The following S100Z variants were observed in gnomAD, a reference collection of about 807,000 sequenced individuals.
S100Z encodes S100 calcium binding protein Z, also known as protein S100-Z.
Under a neutral mutation model 8.5 loss-of-function variants are expected in S100Z, and 11 were observed. The observed-to-expected ratio is 1.30, with a 90% confidence interval of 0.82 to 2.15. The LOEUF (loss-of-function observed/expected upper bound fraction) is 2.15. S100Z is among the 30% of genes most tolerant of loss of function. The pLI, the probability that S100Z is intolerant of heterozygous loss-of-function variation, is 0.00. For missense variants in S100Z, 126 were observed against 117.9 expected, an observed-to-expected ratio of 1.07 and a Z score of -0.32; for synonymous variants, 34 against 43.8, an observed-to-expected ratio of 0.78 and a Z score of 0.89.
intron 2 of S100Z, among the ~76,000 whole-genome samples, chr5:76,873,854 C>G (rs1432650090): frequency 6.6e-6 from 1 of 152,200 alleles, no homozygotes; most frequent in African/African-American, 2.4e-5. Context: ...TTTACATGGA[C>G]TCTTTCTTTA....
the S100Z span, among the ~76,000 whole-genome samples, chr5:76,940,270 G>A: frequency 3.9e-5 from 6 of 152,148 alleles, no homozygotes; most frequent in South Asian, 6.2e-4. Context: ...GACGTGATCA[G>A]CAGATGTAAA....
intron 4 of S100Z, among the ~76,000 whole-genome samples, chr5:76,898,371 ACTC>A (rs1161252726): frequency 1.3e-5 from 2 of 150,426 alleles, no homozygotes; most frequent in Non-Finnish European, 3.0e-5. Context: ...CCGGTCTTGA[ACTC>A]CTGATTCCTG....
At chr5:76,889,634 A>C (rs974236425) in intron 4 of S100Z, among the ~76,000 whole-genome samples, 1 of 152,248 alleles carries the variant, frequency 6.6e-6, no homozygotes, top group Non-Finnish European at 1.5e-5. Context: ...AAAATCGATT[A>C]AAAGTGGGGA....
At chr5:76,924,502 C>T (rs1012172033), downstream of S100Z, among the ~76,000 whole-genome samples, 9 of 152,112 alleles carry the variant, frequency 5.9e-5, no homozygotes, top group African/African-American at 1.9e-4. Flanking sequence ...ATTTGAGAAC[C>T]CCTGGTCCTC....
chr5:76,891,334 A>G (rs1009893949), intron 4 of S100Z, among the ~76,000 whole-genome samples: 5 of 152,206 alleles, frequency 3.3e-5, no homozygotes, highest in Middle Eastern at 3.2e-3. Context: ...TTCCAATTCA[A>G]TTAGTCTAGG....
chr5:76,868,194 G>A (rs1268403664), intron 1 of S100Z, among the ~76,000 whole-genome samples: 1 of 152,142 alleles, frequency 6.6e-6, no homozygotes, highest in Non-Finnish European at 1.5e-5. Flanking sequence ...GTTATATAAA[G>A]ATAAGCCCCT....
At chr5:76,942,445 C>CAAAAAAAAAAAAAAAAAAAAAAAAAAAA in the S100Z span, among the ~76,000 whole-genome samples, 1 of 72,748 alleles carries the variant, frequency 1.4e-5, no homozygotes, top group African/African-American at 4.7e-5. Context: ...AAAAAAAAAG[C>CAAAAAAAAAAAAAAAAAAAAAAAAAAAA]AAAAACCTCT....
chr5:76,925,257 C>T (rs941389295), downstream of S100Z, among the ~76,000 whole-genome samples: 8 of 152,096 alleles, frequency 5.3e-5, no homozygotes, highest in East Asian at 1.3e-3. Context: ...TTCTATTGGT[C>T]GTACACACTA....
chr5:76,884,846 C>A (rs941355842), intron 4 of S100Z, among the ~76,000 whole-genome samples: 2 of 151,588 alleles, frequency 1.3e-5, no homozygotes, highest in South Asian at 4.2e-4. Flanking sequence ...CAGATGAGTC[C>A]GTAGAAAAGA....
chr5:76,888,367 A>ATT lies in S100Z; in HGVS notation c.*2+10558_*2+10559dup, dbSNP rs1171043164. ...TTTTTTTTCCTGGGAAAGTGCTGGT[A>ATT]TTTTTTTTTTTTTTTTTTTTTTTTT... On this transcript the variant is annotated intron_variant, in intron 4 of 4. Transcript: ENST00000317593. Among the ~76,000 whole-genome samples, 152 of 45,438 alleles carry ATT rather than the reference A, an allele frequency of 3.3e-3. 52 individuals carry two copies. Among genetic ancestry groups the ATT allele is most frequent in the African/African-American group, 4.5e-3 (50 of 11,198 alleles). 29.8% of individuals were successfully genotyped at this position (45,438 alleles called of 152,430 possible). A position where few individuals can be genotyped will look rare whatever the true frequency, so the allele number is the denominator to read the frequency against.
At chr5:76,908,171 A>G (rs558808617) in intron 4 of S100Z, among the ~76,000 whole-genome samples, 9 of 152,004 alleles carry the variant, frequency 5.9e-5, no homozygotes, top group African/African-American at 2.2e-4. Flanking sequence ...ACAACCTGCA[A>G]CTCTTTGGAG....
At chr5:76,916,511 A>G (rs555965869) in intron 4 of S100Z, among the ~76,000 whole-genome samples, 17 of 151,566 alleles carry the variant, frequency 1.1e-4, no homozygotes, top group African/African-American at 4.1e-4. Flanking sequence ...TACATATACC[A>G]AGACAGACCA....
At chr5:76,867,943 C>A (rs1459923091) in intron 1 of S100Z, among the ~76,000 whole-genome samples, 10 of 152,170 alleles carry the variant, frequency 6.6e-5, no homozygotes, top group Admixed American at 6.5e-4. Context: ...TGCACACTAT[C>A]TCAGACCTTT....
intron 4 of S100Z, among the ~76,000 whole-genome samples, chr5:76,882,686 T>C (rs1743450724): frequency 6.6e-6 from 1 of 152,104 alleles, no homozygotes; most frequent in African/African-American, 2.4e-5. Context: ...TATGTCGAGA[T>C]AGGTAATGGA....
At chr5:76,937,770 A>AAAAAAG in the S100Z span, among the ~76,000 whole-genome samples, 1 of 149,496 alleles carries the variant, frequency 6.7e-6, no homozygotes. Context: ...AAAAAAAAAA[A>AAAAAAG]GGAGGCAACC....
chr5:76,854,443 A>G (rs998744469), intron 1 of S100Z, among the ~76,000 whole-genome samples: 18 of 152,310 alleles, frequency 1.2e-4, no homozygotes, highest in African/African-American at 3.6e-4. Context: ...TTTGTTGTGC[A>G]TTTATCAAAG....
chr5:76,857,268 G>A (rs113207449), intron 1 of S100Z, among the ~76,000 whole-genome samples: 4,926 of 151,990 alleles, frequency 0.032, 126 homozygotes, highest in African/African-American at 0.069. Flanking sequence ...CTCCAGCCTG[G>A]GCAACAGGCA....
intron 4 of S100Z, among the ~76,000 whole-genome samples, chr5:76,916,374 A>G (rs1744854986): frequency 6.6e-6 from 1 of 152,112 alleles, no homozygotes; most frequent in South Asian, 2.1e-4. Flanking sequence ...TCAACAATTG[A>G]TAGAAAAGCT....
At chr5:76,895,761 CTTCCTTTTT>C (rs1419756515) in intron 4 of S100Z, among the ~76,000 whole-genome samples, 1 of 125,322 alleles carries the variant, frequency 8.0e-6, no homozygotes, top group African/African-American at 2.9e-5. Flanking sequence ...TCTTTCTTTT[CTTCCTTTTT>C]TTTTTTTTTT....
Sources: allele counts gnomAD v4.1 joint callset (sites outside exome capture counted in the v4.1 genomes callset), GRCh38; gene constraint gnomAD v4.1.1; transcripts MANE v1.5; gene names NCBI Gene and HGNC (gene_info 2026-07-23, HGNC 2026-07-21).